CFAP100: variants seen among roughly 807,000 people sequenced by gnomAD.
CFAP100 encodes the protein cilia and flagella associated protein 100, also known as cilia- and flagella-associated protein 100.
In CFAP100, 70 loss-of-function variants were observed where a neutral mutation model predicts 81.5. The observed-to-expected ratio is 0.86, with a 90% CI of 0.71 to 1.05. The LOEUF (loss-of-function observed/expected upper bound fraction) is 1.05, where lower values mean the gene tolerates loss of function less well. CFAP100 is among the 50% of genes least tolerant of loss of function. CFAP100 has a pLI of 0.00. For missense variants in CFAP100, 811 were observed against 776.5 expected (o/e 1.04, Z -0.53); for synonymous variants, 341 against 314.8 (o/e 1.08, Z -0.88).
At chr3:126,416,227 C>CCGCGTCCCCGGCCTCACGTCCG in intron 4 of CFAP100, 89 bp from the exon 5 acceptor site, 1 of 1,096,178 alleles carries the variant, frequency 9.1e-7, no homozygotes, top group Non-Finnish European at 1.3e-6. Flanking sequence ...GCGCGCAAAC[C>CCGCGTCCCCGGCCTCACGTCCG]CGCGTCCCTA....
intron 14 of CFAP100, chr3:126,433,421 C>G (rs1933311132): frequency 3.5e-6 from 2 of 568,776 alleles, no homozygotes; most frequent in African/African-American, 3.8e-5. Flanking sequence ...TTGCTTCATT[C>G]TTTTATTCAA....
intron 11 of CFAP100, among the ~76,000 whole-genome samples, chr3:126,420,461 G>T (rs77717696): frequency 6.6e-6 from 1 of 152,258 alleles, no homozygotes; most frequent in African/African-American, 2.4e-5. Context: ...GTTGAGGCGG[G>T]TGAGCAGGTG....
At position 126,436,518 on chromosome 3, in the gene CFAP100, GCTCCCTTC is replaced by G; in HGVS notation, c.*118_*125del. On this transcript the variant is annotated 3_prime_UTR_variant, in exon 17 of 17. Coordinates refer to ENST00000352312, the MANE Select transcript of CFAP100 (RefSeq NM_182628.3). ...ACTGAGTCCTCTCTGTCTCCTGTGT[GCTCCCTTC>G]CTCACCTGAATAAATTCATGTCTCT... The G allele has an allele frequency of 1.4e-6, 1 of 712,804 alleles. No individual in the cohort carries two copies. The highest frequency in any genetic ancestry group is 1.7e-5 in the South Asian group (1 of 58,810). The allele number at this position is 712,804 out of a possible 1,614,324, so 44.2% of individuals were successfully genotyped here. A position where few individuals can be genotyped will look rare whatever the true frequency, so the allele number is the denominator to read the frequency against.
intron 5 of CFAP100, chr3:126,416,735 C>T (rs900030800): frequency 2.3e-6 from 1 of 427,744 alleles, no homozygotes; most frequent in South Asian, 6.5e-5. Flanking sequence ...AGAATAGTTC[C>T]CCACCTTATC....
chr3:126,419,598 ACCT>A (rs2083295752), intron 8 of CFAP100, 36 bp from the exon 9 acceptor site: 1 of 1,595,268 alleles, frequency 6.3e-7, no homozygotes, highest in Non-Finnish European at 8.6e-7. Flanking sequence ...GCAGAGGCTG[ACCT>A]CCTCCTTCCC....
chr3:126,409,215 A>G (rs901236894), intron 3 of CFAP100, among the ~76,000 whole-genome samples: 1 of 151,924 alleles, frequency 6.6e-6, no homozygotes, highest in Non-Finnish European at 1.5e-5. Context: ...TCCCCACCAA[A>G]CCACTGGCTC....
intron 13 of CFAP100, among the ~76,000 whole-genome samples, chr3:126,428,645 G>A (rs1299732621): frequency 6.6e-6 from 1 of 152,172 alleles, no homozygotes; most frequent in Non-Finnish European, 1.5e-5. Context: ...TTAATGCACT[G>A]TTGAATTCTG....
At chr3:126,421,313 C>CT (rs766857884) in intron 11 of CFAP100, among the ~76,000 whole-genome samples, 52 of 152,336 alleles carry the variant, frequency 3.4e-4, no homozygotes, top group Non-Finnish European at 6.0e-4. Flanking sequence ...CACCTTATTT[C>CT]TGTTCACTAT....
At chr3:126,418,154 C>G in intron 5 of CFAP100, 1 of 342,438 alleles carries the variant, frequency 2.9e-6, no homozygotes, top group South Asian at 3.7e-5. Context: ...TGAAATTTCC[C>G]AGGTGGGGTG....
At chr3:126,419,422 T>C (rs549047012) in intron 8 of CFAP100, among the ~76,000 whole-genome samples, 1 of 152,160 alleles carries the variant, frequency 6.6e-6, no homozygotes, top group Non-Finnish European at 1.5e-5. Context: ...GTCTCCAGGG[T>C]GGAGAGGAAC....
chr3:126,420,307 T>C, intron 11 of CFAP100, 78 bp downstream of exon 11: 1 of 1,556,518 alleles, frequency 6.4e-7, no homozygotes, highest in African/African-American at 1.4e-5. Flanking sequence ...TGTAGTCAGG[T>C]CTGAGTGCCA....
chr3:126,427,526 A>AT (rs946824165), intron 13 of CFAP100, among the ~76,000 whole-genome samples: 5 of 152,214 alleles, frequency 3.3e-5, no homozygotes, highest in South Asian at 2.1e-4. Flanking sequence ...CCATGTGCAG[A>AT]TTTTTTTGTG....
intron 15 of CFAP100, 183 bp downstream of exon 15, chr3:126,434,564 T>C (rs973659538): frequency 1.6e-6 from 1 of 628,750 alleles, no homozygotes; most frequent in Non-Finnish European, 2.7e-6. Context: ...TGGGGGGTGG[T>C]TAGGGAAAGC....
At chr3:126,398,476 A>G (rs746027252) in intron 2 of CFAP100, among the ~76,000 whole-genome samples, 4 of 152,230 alleles carry the variant, frequency 2.6e-5, no homozygotes, top group Non-Finnish European at 5.9e-5. Flanking sequence ...AGCCGTGTGC[A>G]TGCGCGTCAG....
intron 3 of CFAP100, among the ~76,000 whole-genome samples, chr3:126,411,348 T>G (rs181960516): frequency 1.0e-4 from 15 of 149,392 alleles, no homozygotes; most frequent in African/African-American, 2.0e-4. Context: ...TGTAGTTTTT[T>G]TTGTTGTTGT....
At chr3:126,425,181 C>T (rs1255784258) in intron 13 of CFAP100, among the ~76,000 whole-genome samples, 1 of 152,228 alleles carries the variant, frequency 6.6e-6, no homozygotes, top group African/African-American at 2.4e-5. Context: ...TGCATGCAAA[C>T]GTAAACCTCA....
rs571737558 is a variant in CFAP100 at position 126,413,987 on chromosome 3, T to C, written c.131-98T>C. 92 of 813,878 alleles carry C rather than the reference T, an allele frequency of 1.1e-4. No individual in the cohort carries two copies. In the South Asian group the frequency reaches 1.2e-3, roughly 10 times the overall value. The allele number at this position is 813,878 out of a possible 1,614,324, so 50.4% of individuals were successfully genotyped here. ...GGGAACCTTCCCACTCACTCATGCT[T>C]TTCCATGCTGGGCTGGGAAGGCAGT... On this transcript the variant is annotated intron_variant, in intron 3 of 16. Transcript: ENST00000352312.
intron 14 of CFAP100, 101 bp downstream of exon 14, chr3:126,433,305 G>C (rs1219231512): frequency 1.4e-6 from 2 of 1,410,312 alleles, no homozygotes; most frequent in Non-Finnish European, 9.8e-7. Flanking sequence ...GGAGGACAAG[G>C]CCCGGGTGAG....
At chr3:126,426,990 A>G (rs1932971971) in intron 13 of CFAP100, among the ~76,000 whole-genome samples, 1 of 152,218 alleles carries the variant, frequency 6.6e-6, no homozygotes, top group Admixed American at 6.5e-5. Context: ...GAAAGCTGTA[A>G]AACTCTGATG....
Sources: gnomAD v4.1 joint callset for allele counts (sites outside exome capture counted in the v4.1 genomes callset) on GRCh38, gnomAD v4.1.1 for gene constraint, MANE v1.5 for transcripts, NCBI Gene and HGNC (gene_info 2026-07-23, HGNC 2026-07-21) for gene names.